ZCCHC7: variants seen among roughly 807,000 people sequenced by gnomAD.
ZCCHC7 encodes the protein zinc finger CCHC-type containing 7, also known as zinc finger CCHC domain-containing protein 7.
Under a neutral mutation model 52.0 loss-of-function variants are expected in ZCCHC7, and 35 were observed. That is an observed-to-expected ratio of 0.67 (90% confidence interval 0.51 to 0.89). The LOEUF is 0.89. Among genes scored for constraint, ZCCHC7 ranks in the 40% least tolerant of loss-of-function variants. The pLI, the probability that ZCCHC7 is intolerant of heterozygous loss-of-function variation, is 0.00. For missense variants in ZCCHC7, 574 were observed against 649.1 expected (o/e 0.88, Z 1.26); for synonymous variants, 217 against 221.5 (o/e 0.98, Z 0.18).
chr9:37,132,645 C>T (rs930543137), intron 2 of ZCCHC7, among the ~76,000 whole-genome samples: 11 of 151,900 alleles, frequency 7.2e-5, no homozygotes, highest in Admixed American at 7.2e-4. Context: ...GGTTCTAGGA[C>T]TTCCCATGGA....
At chr9:37,124,284 A>G (rs1454463924) in intron 1 of ZCCHC7, among the ~76,000 whole-genome samples, 3 of 151,920 alleles carry the variant, frequency 2.0e-5, no homozygotes, top group Non-Finnish European at 4.4e-5. Context: ...GGAAACATCT[A>G]CTGTGTAGAG....
intron 2 of ZCCHC7, among the ~76,000 whole-genome samples, chr9:37,228,782 C>T (rs1268486063): frequency 6.6e-6 from 1 of 150,620 alleles, no homozygotes; most frequent in Non-Finnish European, 1.5e-5. Flanking sequence ...TATATTTCTG[C>T]ATACTTCTAC....
Position 37,249,620 on chromosome 9 carries a change from T to A in ZCCHC7, c.611-52568T>A, listed in dbSNP as rs569680938. On this transcript the variant is annotated intron_variant, in intron 2 of 8. Transcript: ENST00000336755. Reference sequence around the variant, plus strand: ...GTGCGTGCCACCACACCCAGCTAATTTTTGTATCTTTAGTAGAGATGGGGT... The same window carrying A: ...GTGCGTGCCACCACACCCAGCTAATATTTGTATCTTTAGTAGAGATGGGGT... Among the ~76,000 whole-genome samples the A allele has an allele frequency of 1.6e-3, 244 of 151,962 alleles. 1 individual carries two copies. Among genetic ancestry groups the A allele is most frequent in the African/African-American group, 5.6e-3 (234 of 41,420 alleles).
At chr9:37,316,016 C>CAA (rs767867946) in intron 5 of ZCCHC7, among the ~76,000 whole-genome samples, 7,117 of 131,888 alleles carry the variant, frequency 0.054, 571 homozygotes, top group African/African-American at 0.18. Flanking sequence ...TCCTCAGTCT[C>CAA]AAAAAAAAAA....
intron 6 of ZCCHC7, among the ~76,000 whole-genome samples, chr9:37,342,682 G>T (rs1298882851): frequency 6.6e-6 from 1 of 152,198 alleles, no homozygotes; most frequent in Non-Finnish European, 1.5e-5. Flanking sequence ...GTGATCACCT[G>T]GTCAGGTTTT....
chr9:37,132,817 C>G (rs1208089207), intron 2 of ZCCHC7, among the ~76,000 whole-genome samples: 2 of 152,148 alleles, frequency 1.3e-5, no homozygotes, highest in Admixed American at 6.5e-5. Flanking sequence ...ATAAAAAACA[C>G]TAATACTGAC....
chr9:37,275,575 T>C (rs1262054588), intron 2 of ZCCHC7, among the ~76,000 whole-genome samples: 3 of 151,974 alleles, frequency 2.0e-5, no homozygotes, highest in Non-Finnish European at 4.4e-5. Flanking sequence ...CATGTAGGAG[T>C]AGAATTGTTT....
intron 2 of ZCCHC7, among the ~76,000 whole-genome samples, chr9:37,129,565 T>C (rs1472512829): frequency 6.6e-6 from 1 of 152,194 alleles, no homozygotes; most frequent in East Asian, 1.9e-4. Context: ...ATATAATCTT[T>C]AGAGAGAAGA....
At chr9:37,232,797 C>A (rs1825468558) in intron 2 of ZCCHC7, among the ~76,000 whole-genome samples, 1 of 152,174 alleles carries the variant, frequency 6.6e-6, no homozygotes, top group Admixed American at 6.5e-5. Context: ...CTTCAAATTG[C>A]AAATCATTTC....
chr9:37,171,023 G>C (rs879924069), intron 2 of ZCCHC7, among the ~76,000 whole-genome samples: 2 of 152,186 alleles, frequency 1.3e-5, no homozygotes, highest in South Asian at 2.1e-4. Flanking sequence ...TAGTTAACTA[G>C]TATTTATACT....
At chr9:37,176,353 G>A (rs1401905953) in intron 2 of ZCCHC7, among the ~76,000 whole-genome samples, 6 of 152,266 alleles carry the variant, frequency 3.9e-5, no homozygotes, top group Middle Eastern at 6.8e-3. Context: ...GATTACAGGC[G>A]TGAGCCACCG....
intron 2 of ZCCHC7, among the ~76,000 whole-genome samples, chr9:37,200,521 A>T (rs145831151): frequency 1.3e-5 from 2 of 152,262 alleles, no homozygotes; most frequent in East Asian, 3.9e-4. Flanking sequence ...TTTTTCTTCC[A>T]GTGATTTTAT....
intron 2 of ZCCHC7, among the ~76,000 whole-genome samples, chr9:37,180,561 T>C (rs1822297274): frequency 1.3e-5 from 2 of 152,170 alleles, no homozygotes; most frequent in African/African-American, 4.8e-5. Flanking sequence ...TTTGGTGGAA[T>C]ATTTTGAACA....
In ZCCHC7 at chr9:37,178,643, G is replaced by T. The variant is rs1262593277; in HGVS notation, c.610+51701G>T. On this transcript the variant is annotated intron_variant, in intron 2 of 8. Transcript: ENST00000336755. ...GTACATGTTGTTGGAATAATTCACA[G>T]TCAACATAATGAGCAGTGATACAAA... Among the ~76,000 whole-genome samples, 3 of 152,154 alleles carry T rather than the reference G, an allele frequency of 2.0e-5. No homozygotes were observed. The East Asian group carries it at 5.8e-4, about 29-fold the overall frequency.
intron 2 of ZCCHC7, among the ~76,000 whole-genome samples, chr9:37,208,829 G>T (rs1393146950): frequency 6.6e-6 from 1 of 152,032 alleles, no homozygotes; most frequent in African/African-American, 2.4e-5. Flanking sequence ...ACATAAATCA[G>T]ACAATGTCAT....
chr9:37,319,453 G>A (rs569429524), intron 5 of ZCCHC7, among the ~76,000 whole-genome samples: 1 of 152,068 alleles, frequency 6.6e-6, no homozygotes, highest in Non-Finnish European at 1.5e-5. Flanking sequence ...TTTGAGACAG[G>A]GTCTTACTCT....
At chr9:37,245,320 A>G (rs938387206) in intron 2 of ZCCHC7, among the ~76,000 whole-genome samples, 2 of 152,052 alleles carry the variant, frequency 1.3e-5, no homozygotes, top group Non-Finnish European at 2.9e-5. Flanking sequence ...CTAGTACTTT[A>G]AAGAAGAAGC....
intron 2 of ZCCHC7, among the ~76,000 whole-genome samples, chr9:37,295,778 C>T (rs973177128): frequency 3.3e-5 from 5 of 152,046 alleles, no homozygotes; most frequent in African/African-American, 1.2e-4. Flanking sequence ...ACCTGTGAGA[C>T]ATCCAAGAAA....
chr9:37,245,920 A>G (rs1231909802), intron 2 of ZCCHC7, among the ~76,000 whole-genome samples: 2 of 152,128 alleles, frequency 1.3e-5, no homozygotes, highest in Non-Finnish European at 2.9e-5. Context: ...AATGGAGAAT[A>G]GTGAGACATT....
Sources: gnomAD v4.1 joint callset for allele counts (sites outside exome capture counted in the v4.1 genomes callset) on GRCh38, gnomAD v4.1.1 for gene constraint, MANE v1.5 for transcripts, NCBI Gene and HGNC (gene_info 2026-07-23, HGNC 2026-07-21) for gene names.